Variants in EPHA5 observed in about 807,000 individuals in gnomAD.
EPHA5 encodes EPH receptor A5, also known as ephrin type-A receptor 5.
A neutral mutation model predicts 105.0 loss-of-function variants in EPHA5; 60 were observed. That is an observed-to-expected ratio of 0.57 (90% CI 0.46 to 0.71). EPHA5 has a LOEUF of 0.71. Ranked by LOEUF, EPHA5 falls within the 30% of genes least tolerant of loss-of-function variation. The pLI is 0.00. For synonymous variants in EPHA5, 513 were observed against 449.1 expected, an observed-to-expected ratio of 1.14 and a Z score of -1.80; for missense variants, 1,218 against 1,274.7, an observed-to-expected ratio of 0.96 and a Z score of 0.68.
At chr4:65,515,527 G>T (rs1303265626) in intron 3 of EPHA5, among the ~76,000 whole-genome samples, 1 of 152,044 alleles carries the variant, frequency 6.6e-6, no homozygotes, top group African/African-American at 2.4e-5. Flanking sequence ...GTAGTTTCCA[G>T]TGACAAGATC....
intron 5 of EPHA5, among the ~76,000 whole-genome samples, chr4:65,480,705 G>A (rs761355740): frequency 6.6e-6 from 1 of 152,052 alleles, no homozygotes; most frequent in Non-Finnish European, 1.5e-5. Context: ...GCTTCATCAG[G>A]CCAGATCTGT....
intron 5 of EPHA5, among the ~76,000 whole-genome samples, chr4:65,433,355 C>G (rs1725168037): frequency 6.6e-6 from 1 of 152,144 alleles, no homozygotes; most frequent in Non-Finnish European, 1.5e-5. Flanking sequence ...CTAGGCCTCT[C>G]TTCAGTGAAA....
intron 1 of EPHA5, among the ~76,000 whole-genome samples, chr4:65,645,526 TG>T (rs1401660666): frequency 6.6e-6 from 1 of 152,050 alleles, no homozygotes; most frequent in Non-Finnish European, 1.5e-5. Flanking sequence ...ATATGAAATA[TG>T]AAGTATTATC....
chr4:65,371,068 TC>T (rs1452965863), intron 8 of EPHA5, among the ~76,000 whole-genome samples: 1 of 152,156 alleles, frequency 6.6e-6, no homozygotes, highest in African/African-American at 2.4e-5. Context: ...ATTTTGCCTC[TC>T]ATTTTCTGGA....
intron 2 of EPHA5, among the ~76,000 whole-genome samples, chr4:65,613,958 T>C (rs891647786): frequency 3.3e-5 from 5 of 152,026 alleles, no homozygotes; most frequent in African/African-American, 9.7e-5. Context: ...CAACAATCGA[T>C]ATATTTTGTT....
In EPHA5 at chr4:65,418,862, C is replaced by CTTTTTTT. The variant is rs575608289; in HGVS notation, c.1527+1572_1527+1578dup. On this transcript the variant is annotated intron_variant, in intron 6 of 16. Transcript: ENST00000613740. ...AACATTCAATACACTTACCTAAACT[C>CTTTTTTT]TTTTTTTTTTTTTTTTTTTTTTTTT... Among the ~76,000 whole-genome samples, 199 of 47,080 alleles carry CTTTTTTT rather than the reference C, an allele frequency of 4.2e-3. 19 individuals are homozygous for CTTTTTTT. Among genetic ancestry groups the CTTTTTTT allele is most frequent in the African/African-American group, 6.2e-3 (56 of 9,094 alleles). The allele number at this position is 47,080 out of a possible 152,430, so 30.9% of individuals were successfully genotyped here. A position where few individuals can be genotyped will look rare whatever the true frequency, so the allele number is the denominator to read the frequency against.
chr4:65,550,506 C>A (rs1737792962), intron 3 of EPHA5, among the ~76,000 whole-genome samples: 2 of 152,012 alleles, frequency 1.3e-5, no homozygotes, highest in South Asian at 2.1e-4. Context: ...TATTTTTCTG[C>A]CACTCATATC....
intron 1 of EPHA5, among the ~76,000 whole-genome samples, chr4:65,664,975 T>C (rs1749844233): frequency 6.6e-6 from 1 of 151,934 alleles, no homozygotes; most frequent in Non-Finnish European, 1.5e-5. Flanking sequence ...TAGGTACCCC[T>C]GCTAACTTAA....
chr4:65,341,031 GTC>G (rs1300030299), intron 14 of EPHA5, among the ~76,000 whole-genome samples: 2 of 152,110 alleles, frequency 1.3e-5, no homozygotes, highest in East Asian at 3.9e-4. Context: ...CTGTGTCACA[GTC>G]TGACATCTAT....
At chr4:65,578,091 T>C (rs1009201868) in intron 3 of EPHA5, among the ~76,000 whole-genome samples, 1 of 152,180 alleles carries the variant, frequency 6.6e-6, no homozygotes, top group Admixed American at 6.5e-5. Flanking sequence ...TATATCAGTA[T>C]ACCTATATCA....
intron 3 of EPHA5, 122 bp from the exon 4 acceptor site, chr4:65,495,665 T>G: frequency 1.3e-6 from 1 of 764,132 alleles, no homozygotes; most frequent in South Asian, 2.5e-5. Flanking sequence ...TTGCATCAAT[T>G]TCAAGAAGTT....
intron 3 of EPHA5, among the ~76,000 whole-genome samples, chr4:65,510,352 A>G (rs1018635240): frequency 6.6e-6 from 1 of 151,646 alleles, no homozygotes; most frequent in East Asian, 1.9e-4. Context: ...GTGGATACAT[A>G]CTTCTGTTAG....
chr4:65,370,523 C>G (rs1405628350), intron 8 of EPHA5, among the ~76,000 whole-genome samples: 1 of 152,104 alleles, frequency 6.6e-6, no homozygotes, highest in Non-Finnish European at 1.5e-5. Context: ...AAACAAACAT[C>G]TATTCATCCA....
At chr4:65,348,359 C>A (rs1722421037) in intron 13 of EPHA5, among the ~76,000 whole-genome samples, 156 bp from the exon 14 acceptor site, 1 of 151,918 alleles carries the variant, frequency 6.6e-6, no homozygotes, top group Non-Finnish European at 1.5e-5. Flanking sequence ...AGCCCATAAG[C>A]AGTTGTAGAC....
At chr4:65,353,838 T>C (rs2148862934) in intron 11 of EPHA5, among the ~76,000 whole-genome samples, 1 of 151,908 alleles carries the variant, frequency 6.6e-6, no homozygotes, top group East Asian at 1.9e-4. Flanking sequence ...ACTTAAAATC[T>C]CGATTAACCC....
intron 11 of EPHA5, among the ~76,000 whole-genome samples, 177 bp from the exon 12 acceptor site, chr4:65,353,280 T>A (rs1395451053): frequency 6.8e-6 from 1 of 147,092 alleles, no homozygotes; most frequent in East Asian, 2.0e-4. Flanking sequence ...TTTAAATATT[T>A]AAAAATATTT....
At chr4:65,588,360 A>G (rs2149409858) in intron 3 of EPHA5, among the ~76,000 whole-genome samples, 1 of 152,174 alleles carries the variant, frequency 6.6e-6, no homozygotes, top group Admixed American at 6.5e-5. Flanking sequence ...AAGTCAAACT[A>G]TTCCCTTTGG....
chr4:65,384,843 T>C (rs2148938851), intron 8 of EPHA5, among the ~76,000 whole-genome samples: 1 of 151,970 alleles, frequency 6.6e-6, no homozygotes, highest in Non-Finnish European at 1.5e-5. Flanking sequence ...CTGAATCATG[T>C]TTCTTACTCC....
chr4:65,485,059 C>A (rs1730752963), intron 5 of EPHA5, among the ~76,000 whole-genome samples: 1 of 151,536 alleles, frequency 6.6e-6, no homozygotes, highest in Non-Finnish European at 1.5e-5. Flanking sequence ...CATTAGAAAA[C>A]TTGAAGAGCT....
Sources: allele counts gnomAD v4.1 joint callset (sites outside exome capture counted in the v4.1 genomes callset), GRCh38; gene constraint gnomAD v4.1.1; transcripts MANE v1.5; gene names NCBI Gene and HGNC (gene_info 2026-07-23, HGNC 2026-07-21).